NR3C2: variants seen among roughly 807,000 people sequenced by gnomAD.
NR3C2 encodes the protein nuclear receptor subfamily 3 group C member 2, also known as mineralocorticoid receptor.
In NR3C2, 15 loss-of-function variants were observed where a neutral mutation model predicts 86.4. The observed-to-expected ratio is 0.17, with a 90% confidence interval of 0.12 to 0.27. The LOEUF (loss-of-function observed/expected upper bound fraction) is 0.27. Ranked by LOEUF, NR3C2 falls within the 10% of genes least tolerant of loss-of-function variation. NR3C2 has a pLI of 1.00. For missense variants in NR3C2, 960 were observed against 1,195.6 expected (o/e 0.80, Z 2.91); for synonymous variants, 458 against 450.5 (o/e 1.02, Z -0.21).
intron 8 of NR3C2, among the ~76,000 whole-genome samples, chr4:148,085,630 A>C (rs1187370501): frequency 6.6e-6 from 1 of 152,234 alleles, no homozygotes; most frequent in Non-Finnish European, 1.5e-5. Flanking sequence ...GAAGGCAAGA[A>C]ATAAGATCAG....
intron 4 of NR3C2, among the ~76,000 whole-genome samples, chr4:148,186,362 T>G (rs966458658): frequency 6.6e-6 from 1 of 152,190 alleles, no homozygotes; most frequent in Non-Finnish European, 1.5e-5. Flanking sequence ...GTGAGAAAAA[T>G]TAACCCTTTG....
chr4:148,084,192 G>A (rs1314028118), intron 8 of NR3C2, among the ~76,000 whole-genome samples: 1 of 152,136 alleles, frequency 6.6e-6, no homozygotes, highest in Non-Finnish European at 1.5e-5. Context: ...TCCACAAGAA[G>A]AGCAACTCCA....
intron 2 of NR3C2, among the ~76,000 whole-genome samples, chr4:148,282,167 C>T (rs937721998): frequency 6.6e-6 from 1 of 152,068 alleles, no homozygotes; most frequent in Non-Finnish European, 1.5e-5. Flanking sequence ...GTAGCTGGGA[C>T]TACAGGCGTG....
intron 4 of NR3C2, among the ~76,000 whole-genome samples, chr4:148,166,770 T>C (rs1734898223): frequency 6.6e-6 from 1 of 151,294 alleles, no homozygotes; most frequent in Admixed American, 6.6e-5. Context: ...CATACGAGAT[T>C]GAACAATAGA....
intron 2 of NR3C2, among the ~76,000 whole-genome samples, chr4:148,311,844 A>G (rs749609796): frequency 6.6e-6 from 1 of 152,236 alleles, no homozygotes; most frequent in Non-Finnish European, 1.5e-5. Flanking sequence ...ACTCCTGCTT[A>G]GGACATTTGC....
chr4:148,187,014 A>G (rs1220695395), intron 4 of NR3C2, among the ~76,000 whole-genome samples: 3 of 76,976 alleles, frequency 3.9e-5, no homozygotes, highest in Non-Finnish European at 8.1e-5. Context: ...ATATATATAT[A>G]TATATATATA....
intron 4 of NR3C2, among the ~76,000 whole-genome samples, chr4:148,164,054 C>T (rs1734779262): frequency 6.6e-6 from 1 of 152,164 alleles, no homozygotes; most frequent in Non-Finnish European, 1.5e-5. Flanking sequence ...CACTGGATCA[C>T]CTCTGTTGAC....
chr4:148,188,388 T>C (rs1736036794), intron 4 of NR3C2, among the ~76,000 whole-genome samples: 1 of 152,238 alleles, frequency 6.6e-6, no homozygotes, highest in Non-Finnish European at 1.5e-5. Flanking sequence ...GTCTATGATT[T>C]CTTTCAAAAC....
chr4:148,197,229 A>C (rs1426741640), intron 3 of NR3C2, among the ~76,000 whole-genome samples: 3 of 152,220 alleles, frequency 2.0e-5, no homozygotes, highest in Non-Finnish European at 4.4e-5. Context: ...ATGTTGAGAG[A>C]AGCACACTCT....
intron 2 of NR3C2, among the ~76,000 whole-genome samples, chr4:148,311,399 C>A (rs1478691727): frequency 6.6e-6 from 1 of 152,204 alleles, no homozygotes; most frequent in Non-Finnish European, 1.5e-5. Context: ...ATGACAACTG[C>A]ATTCTTGCAG....
At chr4:148,093,274 G>A (rs1731139122) in intron 8 of NR3C2, among the ~76,000 whole-genome samples, 1 of 152,178 alleles carries the variant, frequency 6.6e-6, no homozygotes, top group Non-Finnish European at 1.5e-5. Context: ...CATTGCTGGG[G>A]CAGGCCAGCG....
intron 3 of NR3C2, among the ~76,000 whole-genome samples, chr4:148,223,632 G>A (rs1737983688): frequency 6.6e-6 from 1 of 151,906 alleles, no homozygotes; most frequent in African/African-American, 2.4e-5. Flanking sequence ...GGATACAGAA[G>A]AGTCTGTCAA....
chr4:148,114,558 C>T (rs1732188679), intron 7 of NR3C2, among the ~76,000 whole-genome samples: 1 of 152,080 alleles, frequency 6.6e-6, no homozygotes, highest in Admixed American at 6.5e-5. Context: ...GGAAACTGAA[C>T]ACTGGAGGCT....
At chr4:148,408,393 T>C (rs988198395) in intron 2 of NR3C2, among the ~76,000 whole-genome samples, 1 of 152,224 alleles carries the variant, frequency 6.6e-6, no homozygotes, top group African/African-American at 2.4e-5. Flanking sequence ...AAGGTGACTA[T>C]AGAGGTAGGT....
At chr4:148,313,508 A>G (rs894323265) in intron 2 of NR3C2, among the ~76,000 whole-genome samples, 1 of 152,196 alleles carries the variant, frequency 6.6e-6, no homozygotes, top group African/African-American at 2.4e-5. Flanking sequence ...GCAAAATGCT[A>G]AAATCTTTTT....
intron 2 of NR3C2, among the ~76,000 whole-genome samples, chr4:148,385,796 C>T (rs540624311): frequency 3.3e-5 from 5 of 152,234 alleles, no homozygotes; most frequent in Admixed American, 2.6e-4. Context: ...GCCCCTAGGA[C>T]CTGCTACAAC....
At chr4:148,379,061 A>G (rs755871850) in intron 2 of NR3C2, among the ~76,000 whole-genome samples, 10 of 152,222 alleles carry the variant, frequency 6.6e-5, no homozygotes, top group Non-Finnish European at 1.2e-4. Context: ...AATATGATAC[A>G]TGAAGATTAA....
intron 2 of NR3C2, among the ~76,000 whole-genome samples, chr4:148,305,474 G>T (rs116193166): frequency 8.1e-4 from 122 of 151,054 alleles, no homozygotes; most frequent in African/African-American, 2.9e-3. Flanking sequence ...GAGGCAAAGG[G>T]CACAGCACTG....
At chr4:148,325,607 C>T (rs955889325) in intron 2 of NR3C2, among the ~76,000 whole-genome samples, 5 of 152,158 alleles carry the variant, frequency 3.3e-5, no homozygotes, top group Admixed American at 6.5e-5. Flanking sequence ...CTACCAAGTG[C>T]GTTACTGCAT....
Sources: gnomAD v4.1 joint callset for allele counts (sites outside exome capture counted in the v4.1 genomes callset) on GRCh38, gnomAD v4.1.1 for gene constraint, MANE v1.5 for transcripts, NCBI Gene and HGNC (gene_info 2026-07-23, HGNC 2026-07-21) for gene names.